The following ADGRB2 variants were observed in gnomAD, a reference collection of about 807,000 sequenced individuals.
The protein encoded by ADGRB2 is adhesion G protein-coupled receptor B2.
In ADGRB2, 47 loss-of-function variants were observed where a neutral mutation model predicts 178.7. The observed-to-expected ratio is 0.26, with a 90% confidence interval of 0.21 to 0.34. The LOEUF (loss-of-function observed/expected upper bound fraction) is 0.34, where lower values mean the gene tolerates loss of function less well. ADGRB2 is among the 10% of genes least tolerant of loss of function. The pLI, the probability that ADGRB2 is intolerant of heterozygous loss-of-function variation, is 1.00. For synonymous variants in ADGRB2, 870 were observed against 912.4 expected, an observed-to-expected ratio of 0.95 and a Z score of 0.84; for missense variants, 1,584 against 2,180.8, an observed-to-expected ratio of 0.73 and a Z score of 5.45.
rs1485685404 is a variant in ADGRB2, at chr1:31,755,015, G to A, written c.838+984C>T. Among the ~76,000 whole-genome samples, 1 of 152,218 alleles carries A rather than the reference G, an allele frequency of 6.6e-6. No homozygotes were observed. On this transcript the variant is annotated intron_variant, in intron 4 of 32. Coordinates refer to ENST00000373658, the MANE Select transcript of ADGRB2 (RefSeq NM_001364857.2). The surrounding 1 kb of genome is among the most constrained non-coding windows in gnomAD (Gnocchi z 5.1). ...TCCCTGCATCCTTGATCCTCATGAG[G>A]ATAAGCCAGCACCTGTATCCCAAAT...
intron 29 of ADGRB2, among the ~76,000 whole-genome samples, chr1:31,730,478 G>A (rs970455407): frequency 1.1e-4 from 17 of 152,270 alleles, no homozygotes; most frequent in Non-Finnish European, 2.1e-4. Context: ...CCTGCATGAC[G>A]CAGAGGCCCA....
In ADGRB2 at chr1:31,735,758, G is replaced by A; in HGVS notation, c.3267+69C>T. On this transcript the variant is annotated intron_variant, in intron 23 of 32. Transcript: ENST00000373658. This position sits in a 1 kb window ranked among gnomAD's most constrained non-coding sequence, Gnocchi z 6.0. ...CATGTGGGAGCTGGAGCGCAGGGAGGAGGTAGAGGGAGAAACAGGATGACC... is the reference window on the plus strand; with the variant it reads ...CATGTGGGAGCTGGAGCGCAGGGAGAAGGTAGAGGGAGAAACAGGATGACC... 6.3e-7 allele frequency: 1 copy of A among 1,582,642 alleles called. No individual in the cohort carries two copies. The highest frequency in any genetic ancestry group is 8.6e-7 in the Non-Finnish European group (1 of 1,159,554).
rs1645115790 is a variant in ADGRB2 at position 31,728,568 on chromosome 1, C to T, written c.4416+30G>A. On this transcript the variant is annotated intron_variant, in intron 30 of 32. Coordinates refer to ENST00000373658, the MANE Select transcript of ADGRB2 (RefSeq NM_001364857.2). This position sits in a 1 kb window ranked among gnomAD's most constrained non-coding sequence, Gnocchi z 6.7. ...AGGGACAGACACCACAGCCAGATGT[C>T]CCACCGCCCAGCACACACATGGCCC... The T allele has an allele frequency of 1.2e-6, 2 of 1,613,958 alleles. No homozygotes were observed. The highest frequency in any genetic ancestry group is 1.7e-6 in the Non-Finnish European group (2 of 1,179,870).
In ADGRB2 at chr1:31,744,547, A is replaced by G; in HGVS notation, c.922+101T>C. On this transcript the variant is annotated intron_variant, in intron 5 of 32. Coordinates refer to ENST00000373658, the MANE Select transcript of ADGRB2 (RefSeq NM_001364857.2). The surrounding 1 kb of genome is among the most constrained non-coding windows in gnomAD (Gnocchi z 6.7). ...CTTCATGTGGCACAGACGCGACTGA[A>G]CTGCAGGACAGAGACAGACAGGCAC... is the stretch of plus-strand genomic sequence containing the variant. 6.7e-7 allele frequency: 1 copy of G among 1,482,908 alleles called. No individual in the cohort carries two copies. Among genetic ancestry groups the G allele is most frequent in the South Asian group, 1.2e-5 (1 of 83,412 alleles). 91.9% of individuals were successfully genotyped at this position (1,482,908 alleles called of 1,614,324 possible).
Position 31,727,311 on chromosome 1 carries a change from C to T in ADGRB2, c.*109G>A. On this transcript the variant is annotated 3_prime_UTR_variant, in exon 33 of 33. Transcript: ENST00000373658. This position sits in a 1 kb window ranked among gnomAD's most constrained non-coding sequence, Gnocchi z 4.4. Reference sequence around the variant, plus strand: ...GCTGAGTCCACGGCGCCTCCCTGCCCAGCCCTCGGGAGAGGGGAGAGGGCG... The same window carrying T: ...GCTGAGTCCACGGCGCCTCCCTGCCTAGCCCTCGGGAGAGGGGAGAGGGCG... 1.5e-6 allele frequency: 2 copies of T among 1,353,750 alleles called. No homozygotes were observed. The highest frequency in any genetic ancestry group is 1.9e-6 in the Non-Finnish European group (2 of 1,030,156). The allele number at this position is 1,353,750 out of a possible 1,614,324, so 83.9% of individuals were successfully genotyped here. A position where few individuals can be genotyped will look rare whatever the true frequency, so the allele number is the denominator to read the frequency against.
chr1:31,728,768 C>T lies in ADGRB2; in HGVS notation c.4381-135G>A, dbSNP rs1034907466. 31 of 906,112 alleles carry T rather than the reference C, an allele frequency of 3.4e-5. No homozygotes were observed. Among genetic ancestry groups the T allele is most frequent in the Middle Eastern group, 3.1e-4 (1 of 3,266 alleles). The allele number at this position is 906,112 out of a possible 1,614,324, so 56.1% of individuals were successfully genotyped here. On this transcript the variant is annotated intron_variant, in intron 29 of 32. Coordinates refer to ENST00000373658, the MANE Select transcript of ADGRB2 (RefSeq NM_001364857.2). The surrounding 1 kb of genome is among the most constrained non-coding windows in gnomAD (Gnocchi z 6.7). Reference sequence around the variant, plus strand: ...CCCCCCAACCCAGGCCCAGAAGTTGCGGACCTTCATGGGGCAGCTTTTCAG... The same window carrying T: ...CCCCCCAACCCAGGCCCAGAAGTTGTGGACCTTCATGGGGCAGCTTTTCAG...
chr1:31,733,917 T>G lies in ADGRB2; in HGVS notation c.3453-774A>C, dbSNP rs933251382. On this transcript the variant is annotated intron_variant, in intron 25 of 32. Transcript: ENST00000373658. This position sits in a 1 kb window ranked among gnomAD's most constrained non-coding sequence, Gnocchi z 4.3. ...CACATGAGGGACAGCCAGGCCACCA[T>G]ACCCTCCCGGGCCAGGTGCCACACT... Among the ~76,000 whole-genome samples, 1 of 152,050 alleles carries G rather than the reference T, an allele frequency of 6.6e-6. No homozygotes were observed. Among genetic ancestry groups the G allele is most frequent in the Non-Finnish European group, 1.5e-5 (1 of 68,004 alleles).
At chr1:31,730,540 C>T (rs1645225389) in intron 29 of ADGRB2, among the ~76,000 whole-genome samples, 1 of 152,198 alleles carries the variant, frequency 6.6e-6, no homozygotes, top group African/African-American at 2.4e-5. Context: ...CTCATCCTAA[C>T]CAGTCACCCC....
chr1:31,760,777 G>C (rs1223800575), intron 1 of ADGRB2: 1 of 152,150 alleles, frequency 6.6e-6, no homozygotes, highest in Non-Finnish European at 1.5e-5. Flanking sequence ...GCCAGCGCTC[G>C]GACCCAAGGA....
In ADGRB2 at chr1:31,740,482, C is replaced by G; in HGVS notation, c.1854G>C (p.Val618=). ...CCAGTAGCTCCTGCAGGCTGCGCAC[C>G]ACCTGCGACATGCCCTCGCCTGCCA... is the stretch of plus-strand genomic sequence containing the variant. ...RMLAGEGMSQ[V]VRSLQELLAR... The change falls in exon 12 of 33, where the codon GTG becomes GTC. Residue 618 remains valine (V), a synonymous_variant. Coordinates refer to ENST00000373658, the MANE Select transcript of ADGRB2 (RefSeq NM_001364857.2). The surrounding 1 kb of genome is among the most constrained non-coding windows in gnomAD (Gnocchi z 5.9). 6.2e-7 allele frequency: 1 copy of G among 1,613,214 alleles called. No homozygotes were observed. The highest frequency in any genetic ancestry group is 8.5e-7 in the Non-Finnish European group (1 of 1,179,794).
chr1:31,746,326 C>T (rs181053793), intron 4 of ADGRB2, among the ~76,000 whole-genome samples: 31 of 152,220 alleles, frequency 2.0e-4, no homozygotes, highest in East Asian at 7.7e-4. Context: ...ATGTGCCACC[C>T]GAGCCTACTC....
Position 31,733,502 on chromosome 1 carries a change from C to A in ADGRB2, c.3453-359G>T, listed in dbSNP as rs1037358661. ...TTTTTAAAAATGCACGGGGCCGGGA[C>A]GGCATCCCCAGAGCCTAACTGGGTA... On this transcript the variant is annotated intron_variant, in intron 25 of 32. Coordinates refer to ENST00000373658, the MANE Select transcript of ADGRB2 (RefSeq NM_001364857.2). This position sits in a 1 kb window ranked among gnomAD's most constrained non-coding sequence, Gnocchi z 4.3. Among the ~76,000 whole-genome samples, 1 of 152,100 alleles carries A rather than the reference C, an allele frequency of 6.6e-6. No homozygotes were observed. Among genetic ancestry groups the A allele is most frequent in the Non-Finnish European group, 1.5e-5 (1 of 68,024 alleles).
rs933454965 is a variant in ADGRB2 at position 31,757,490 on chromosome 1, A to G, written c.-169T>C. The G allele has an allele frequency of 7.7e-6, 4 of 519,268 alleles. No homozygotes were observed. Among genetic ancestry groups the G allele is most frequent in the African/African-American group, 7.6e-5 (4 of 52,418 alleles). 32.2% of individuals were successfully genotyped at this position (519,268 alleles called of 1,614,324 possible). A position where few individuals can be genotyped will look rare whatever the true frequency, so the allele number is the denominator to read the frequency against. ...AGGGCACTGTCAGTGTGGACGTCAC[A>G]TGTATCACTGCTGTGGATTTCCTGG... On this transcript the variant is annotated 5_prime_UTR_variant, in exon 2 of 33. An upstream start codon of the reference 5' UTR is lost. Transcript: ENST00000373658.
At position 31,755,460 on chromosome 1, in the gene ADGRB2, C is replaced by G. The variant is rs1448536931; in HGVS notation, c.838+539G>C. Among the ~76,000 whole-genome samples the G allele has an allele frequency of 1.3e-5, 2 of 152,174 alleles. No individual in the cohort carries two copies. Among genetic ancestry groups the G allele is most frequent in the Non-Finnish European group, 2.9e-5 (2 of 68,024 alleles). ...GCCTGGAAGCTCAGGCCTCTTCACC[C>G]AGGGACACTCTTCCTTGCCTCTCTC... On this transcript the variant is annotated intron_variant, in intron 4 of 32. Coordinates refer to ENST00000373658, the MANE Select transcript of ADGRB2 (RefSeq NM_001364857.2). The surrounding 1 kb of genome is among the most constrained non-coding windows in gnomAD (Gnocchi z 5.1).
chr1:31,736,408 C>T lies in ADGRB2; in HGVS notation c.3131-18G>A. The T allele has an allele frequency of 6.2e-7, 1 of 1,613,538 alleles. No individual in the cohort carries two copies. The highest frequency in any genetic ancestry group is 8.5e-7 in the Non-Finnish European group (1 of 1,179,794). On this transcript the variant is annotated intron_variant, in intron 21 of 32. Coordinates refer to ENST00000373658, the MANE Select transcript of ADGRB2 (RefSeq NM_001364857.2). ...AGGCAGACCTGGGGGAGCAGGGGTG[C>T]CAGAGTGAGATGGTTGCTGGTCTTC...
chr1:31,737,370 T>A, intron 20 of ADGRB2, 59 bp downstream of exon 20: 3 of 1,491,550 alleles, frequency 2.0e-6, no homozygotes, highest in Non-Finnish European at 2.8e-6. Context: ...CACTGCGCTC[T>A]CCACCCTCAC....
At chr1:31,730,454 G>C (rs75650991) in intron 29 of ADGRB2, among the ~76,000 whole-genome samples, 3,150 of 152,220 alleles carry the variant, frequency 0.021, 103 homozygotes, top group African/African-American at 0.072. Flanking sequence ...TCAGAGTCCA[G>C]ACTGGAACTC....
At chr1:31,746,753 GC>G (rs1387998307) in intron 4 of ADGRB2, among the ~76,000 whole-genome samples, 1 of 152,158 alleles carries the variant, frequency 6.6e-6, no homozygotes, top group Non-Finnish European at 1.5e-5. Context: ...ACAAAGGCCA[GC>G]CCCGTGGCCT....
Position 31,756,888 on chromosome 1 carries a change from G to A in ADGRB2, c.22-73C>T. On this transcript the variant is annotated intron_variant, in intron 3 of 32. Transcript: ENST00000373658. The surrounding 1 kb of genome is among the most constrained non-coding windows in gnomAD (Gnocchi z 8.5). ...GGCTCTGAACCTTCTATGGTGAGCT[G>A]CGGGAGTGGGCCTCATAAGTTAAGA... The A allele has an allele frequency of 7.3e-7, 1 of 1,369,406 alleles. No homozygotes were observed. Among genetic ancestry groups the A allele is most frequent in the South Asian group, 1.5e-5 (1 of 64,944 alleles). 84.8% of individuals were successfully genotyped at this position (1,369,406 alleles called of 1,614,324 possible).
Sources: gnomAD v4.1 joint callset for allele counts (sites outside exome capture counted in the v4.1 genomes callset) on GRCh38, gnomAD v4.1.1 for gene constraint, Gnocchi (gnomAD v3.1) non-coding constraint, MANE v1.5 for transcripts, NCBI Gene and HGNC (gene_info 2026-07-23, HGNC 2026-07-21) for gene names.